Variants in GPRIN2 observed in about 807,000 individuals in gnomAD.
GPRIN2 encodes G protein regulated inducer of neurite outgrowth 2.
A neutral mutation model predicts 0.3 loss-of-function variants in GPRIN2; 1 was observed. That is an observed-to-expected ratio of 3.90 (90% CI 1.39 to 18.51). GPRIN2 has a LOEUF of 18.51. Among genes scored for constraint, GPRIN2 ranks in the 30% most tolerant of loss-of-function variants. GPRIN2 has a pLI of 0.11. For synonymous variants in GPRIN2, 361 were observed against 258.6 expected, an observed-to-expected ratio of 1.40 and a Z score of -3.80; for missense variants, 880 against 604.2, an observed-to-expected ratio of 1.46 and a Z score of -4.79.
chr10:46,543,065 T>C lies in GPRIN2; in HGVS notation c.*6295A>G, dbSNP rs1588948999. On this transcript the variant is annotated 3_prime_UTR_variant, in exon 3 of 3. Transcript: ENST00000374314. ...GATTTCTCATTCTGGGCAAAAGCAA[T>C]GGAAACTTGGCACAGCAACCCCAGG... Among the ~76,000 whole-genome samples, 1 of 152,308 alleles carries C rather than the reference T, an allele frequency of 6.6e-6. No individual in the cohort carries two copies. Among genetic ancestry groups the C allele is most frequent in the African/African-American group, 2.4e-5 (1 of 41,486 alleles).
chr10:46,553,569 C>T (rs1842847043), intron 2 of GPRIN2, among the ~76,000 whole-genome samples: 2 of 152,304 alleles, frequency 1.3e-5, no homozygotes, highest in Non-Finnish European at 2.9e-5. Context: ...ATGAGGTCCT[C>T]AGACCCCCAC....
rs1048469322 is a variant in GPRIN2 at position 46,548,347 on chromosome 10, G to A, written c.*1013C>T. Among the ~76,000 whole-genome samples the A allele has an allele frequency of 6.6e-6, 1 of 152,296 alleles. No homozygotes were observed. Among genetic ancestry groups the A allele is most frequent in the African/African-American group, 2.4e-5 (1 of 41,482 alleles). The stretch of plus-strand genomic sequence containing the variant: ...CCACAGCCTCACAGCCCCTACCCCA[G>A]GGCCAGGGCAAACTCCTGCCCTGTC... On this transcript the variant is annotated 3_prime_UTR_variant, in exon 3 of 3. Transcript: ENST00000374314.
chr10:46,549,940 C>A lies in GPRIN2; in HGVS notation c.797G>T (p.Ser266Ile), dbSNP rs150213013. ...LAFPKLVASVSESGLQAQHGV... is the reference protein window; with the variant it reads ...LAFPKLVASVIESGLQAQHGV... ...ATGCTGAGCCTGCAGCCCAGACTCG[C>A]TCACTGACGCCACTAGTTTGGGAAA... Residue 266 changes from serine (S) to isoleucine (I), a missense_variant, in exon 3 of 3, where the codon AGC becomes ATC. Transcript: ENST00000374314. The A allele has an allele frequency of 5.6e-6, 9 of 1,614,164 alleles. No homozygotes were observed. In the Admixed American group the frequency reaches 1.5e-4, roughly 27 times the overall value.
rs1197220949 is a variant in GPRIN2, at chr10:46,546,188, C to G, written c.*3172G>C. ...GAGTTTCTTGTGACAGTGATGGCAGCCTGGGGCCAGACAAGGGATGCGTGT... is the reference window on the plus strand; with the variant it reads ...GAGTTTCTTGTGACAGTGATGGCAGGCTGGGGCCAGACAAGGGATGCGTGT... On this transcript the variant is annotated 3_prime_UTR_variant, in exon 3 of 3. Transcript: ENST00000374314. Among the ~76,000 whole-genome samples, 1 of 152,300 alleles carries G rather than the reference C, an allele frequency of 6.6e-6. No individual in the cohort carries two copies. The highest frequency in any genetic ancestry group is 1.5e-5 in the Non-Finnish European group (1 of 68,058).
At position 46,545,935 on chromosome 10, in the gene GPRIN2, A is replaced by G. The variant is rs1203119835; in HGVS notation, c.*3425T>C. Among the ~76,000 whole-genome samples the G allele has an allele frequency of 2.6e-5, 4 of 152,306 alleles. No homozygotes were observed. Among genetic ancestry groups the G allele is most frequent in the Non-Finnish European group, 5.9e-5 (4 of 68,056 alleles). ...ATAGGTGTGGATCCTATATATCCAG[A>G]TTCAAACTCCAGCTTTAGCCCACTA... On this transcript the variant is annotated 3_prime_UTR_variant, in exon 3 of 3. Coordinates refer to ENST00000374314, the MANE Select transcript of GPRIN2 (RefSeq NM_001385282.1).
In GPRIN2 at chr10:46,549,096, A is replaced by G. The variant is rs1314136502; in HGVS notation, c.*264T>C. ...AGAAAACTCAGGATCTCCCCTCTGC[A>G]CAGTGCTAAAGCCCTGTCTCAAAGT... On this transcript the variant is annotated 3_prime_UTR_variant, in exon 3 of 3. Transcript: ENST00000374314. 4.5e-6 allele frequency: 2 copies of G among 447,902 alleles called. No homozygotes were observed. Among genetic ancestry groups the G allele is most frequent in the African/African-American group, 2.0e-5 (1 of 48,916 alleles). 27.7% of individuals were successfully genotyped at this position (447,902 alleles called of 1,614,324 possible). A position where few individuals can be genotyped will look rare whatever the true frequency, so the allele number is the denominator to read the frequency against.
Position 46,549,395 on chromosome 10 carries a change from T to C in GPRIN2, c.1342A>G (p.Ser448Gly). 4 of 1,503,748 alleles carry C rather than the reference T, an allele frequency of 2.7e-6. No individual in the cohort carries two copies. The highest frequency in any genetic ancestry group is 2.7e-6 in the Non-Finnish European group (3 of 1,129,838). The allele number at this position is 1,503,748 out of a possible 1,614,324, so 93.2% of individuals were successfully genotyped here. Residue 448 changes from serine (S) to glycine (G), a missense_variant, in exon 3 of 3, where the codon AGC becomes GGC. Transcript: ENST00000374314. ...RAVMQSLRRP[S>G]CCGCSGAAPE ...GCCGCGCCGGAGCAGCCGCAGCAGCTGGGGCGCCGCAGGGACTGCATGACA... is the reference window on the plus strand; with the variant it reads ...GCCGCGCCGGAGCAGCCGCAGCAGCCGGGGCGCCGCAGGGACTGCATGACA...
rs953956451 is a variant in GPRIN2, at chr10:46,546,077, C to T, written c.*3283G>A. On this transcript the variant is annotated 3_prime_UTR_variant, in exon 3 of 3. Coordinates refer to ENST00000374314, the MANE Select transcript of GPRIN2 (RefSeq NM_001385282.1). ...GGGGACAGAGACCCAATCCAGGTGA[C>T]ACAGGAGGTAAGATCACAGTGGAAC... 6.6e-6 allele frequency among the ~76,000 whole-genome samples: 1 copy of T among 152,310 alleles called. No individual in the cohort carries two copies. The highest frequency in any genetic ancestry group is 1.5e-5 in the Non-Finnish European group (1 of 68,056).
Position 46,546,980 on chromosome 10 carries a change from C to A in GPRIN2, c.*2380G>T, listed in dbSNP as rs1248801062. ...AGCATGGAGGTAGCACAGAGTGGCA[C>A]CCAGCCAGCGTGAATGCATAAGAAT... On this transcript the variant is annotated 3_prime_UTR_variant, in exon 3 of 3. Transcript: ENST00000374314. 6.6e-6 allele frequency among the ~76,000 whole-genome samples: 1 copy of A among 152,310 alleles called. No individual in the cohort carries two copies. The highest frequency in any genetic ancestry group is 1.5e-5 in the Non-Finnish European group (1 of 68,058).
Position 46,546,140 on chromosome 10 carries a change from ACCT to A in GPRIN2, c.*3217_*3219del, listed in dbSNP as rs1328605879. Reference sequence around the variant, plus strand: ...CTTTTCCACCACCACCAGCACTGTGACCTCAGACCAGCTCTACTCTATGAGTTT... The same window carrying A: ...CTTTTCCACCACCACCAGCACTGTGACAGACCAGCTCTACTCTATGAGTTT... On this transcript the variant is annotated 3_prime_UTR_variant, in exon 3 of 3. Transcript: ENST00000374314. Among the ~76,000 whole-genome samples the A allele has an allele frequency of 6.6e-6, 1 of 152,300 alleles. No individual in the cohort carries two copies. The highest frequency in any genetic ancestry group is 2.4e-5 in the African/African-American group (1 of 41,478).
chr10:46,556,508 G>A lies in GPRIN2; in HGVS notation c.-128C>T, dbSNP rs542611106. Among the ~76,000 whole-genome samples the A allele has an allele frequency of 2.0e-5, 3 of 152,110 alleles. No individual in the cohort carries two copies. The highest frequency in any genetic ancestry group is 4.4e-5 in the Non-Finnish European group (3 of 68,026). ...GAGCCAGCCTCTCACCCTCTCGCCC[G>A]CCGGGGCCGCGCAGGCGGGGGAAGC... On this transcript the variant is annotated 5_prime_UTR_variant, in exon 1 of 3. Transcript: ENST00000374314.
intron 1 of GPRIN2, among the ~76,000 whole-genome samples, chr10:46,555,072 G>A (rs1831946990): frequency 4.0e-3 from 603 of 151,998 alleles, no homozygotes; most frequent in African/African-American, 0.014. Context: ...TTAGTCTCCC[G>A]GCAGCTGGGA....
At chr10:46,551,893 C>A (rs1832153885) in intron 2 of GPRIN2, among the ~76,000 whole-genome samples, 4 of 152,302 alleles carry the variant, frequency 2.6e-5, no homozygotes, top group East Asian at 1.9e-4. Flanking sequence ...AGCCTCCCCA[C>A]AGGCCTGAAG....
rs1304171355 is a variant in GPRIN2, at chr10:46,543,424, G to A, written c.*5936C>T. ...AGAAGAACAGATTAAAGAGAAATGG[G>A]GGATGGGGATGACAGAGCACCCAGG... On this transcript the variant is annotated 3_prime_UTR_variant, in exon 3 of 3. Coordinates refer to ENST00000374314, the MANE Select transcript of GPRIN2 (RefSeq NM_001385282.1). Among the ~76,000 whole-genome samples the A allele has an allele frequency of 6.6e-6, 1 of 152,306 alleles. No homozygotes were observed. The highest frequency in any genetic ancestry group is 2.4e-5 in the African/African-American group (1 of 41,486).
Position 46,545,835 on chromosome 10 carries a change from AGGCACCAT to A in GPRIN2, c.*3517_*3524del. ...AATCTCCACACCAAGCATGTGAAGG[AGGCACCAT>A]TGTCATCCCCATCTTACAGATGAGG... On this transcript the variant is annotated 3_prime_UTR_variant, in exon 3 of 3. Transcript: ENST00000374314. Among the ~76,000 whole-genome samples, 1 of 152,308 alleles carries A rather than the reference AGGCACCAT, an allele frequency of 6.6e-6. No homozygotes were observed. The highest frequency in any genetic ancestry group is 1.5e-5 in the Non-Finnish European group (1 of 68,056).
Position 46,545,380 on chromosome 10 carries a change from G to C in GPRIN2, c.*3980C>G, listed in dbSNP as rs1842067446. On this transcript the variant is annotated 3_prime_UTR_variant, in exon 3 of 3. Transcript: ENST00000374314. ...TTACTCTGAGGTGGGACTGCATCCA[G>C]GGCTCCCCTTTAGGGTCTGACTTGG... Among the ~76,000 whole-genome samples, 1 of 152,306 alleles carries C rather than the reference G, an allele frequency of 6.6e-6. No individual in the cohort carries two copies. The highest frequency in any genetic ancestry group is 2.4e-5 in the African/African-American group (1 of 41,484).
chr10:46,557,342 C>T (rs956069557), upstream of GPRIN2, among the ~76,000 whole-genome samples: 14 of 152,290 alleles, frequency 9.2e-5, no homozygotes, highest in African/African-American at 2.7e-4. Flanking sequence ...CCTGGCCTGG[C>T]CCCCGGAGCC....
chr10:46,550,158 C>T lies in GPRIN2; in HGVS notation c.579G>A (p.Gln193=), dbSNP rs1832463695. Residue 193 remains glutamine (Q), a synonymous_variant, in exon 3 of 3, where the codon CAG becomes CAA. Transcript: ENST00000374314. ...CCAGGTCTAGTGGTGGCACTGACAA[C>T]TGACTCGCCCCCAGCATCCAGGCTG... ...SNSAWMLGAS[Q]LSVPPLDLGD... 1.3e-6 allele frequency: 2 copies of T among 1,599,496 alleles called. No individual in the cohort carries two copies. Among genetic ancestry groups the T allele is most frequent in the Non-Finnish European group, 1.7e-6 (2 of 1,172,344 alleles).
Position 46,550,640 on chromosome 10 carries a change from G to A in GPRIN2, c.97C>T (p.Arg33Trp), listed in dbSNP as rs1832293244. The A allele has an allele frequency of 4.2e-5, 66 of 1,570,240 alleles. No individual in the cohort carries two copies. The East Asian group carries it at 6.3e-4, about 15-fold the overall frequency. Residue 33 changes from arginine to tryptophan, a missense_variant, in exon 3 of 3, where the codon CGG becomes TGG. Transcript: ENST00000374314. ...QSSSSLLGEG[R>W]EQRPELRKTA... ...TTGCGGAGCTCTGGCCTCTGTTCCC[G>A]GCCTTCACCCAGCAGGCTGGAAGAG...
Sources: gnomAD v4.1 joint callset for allele counts (sites outside exome capture counted in the v4.1 genomes callset) on GRCh38, gnomAD v4.1.1 for gene constraint, MANE v1.5 for transcripts, NCBI Gene and HGNC (gene_info 2026-07-23, HGNC 2026-07-21) for gene names.